Variants in MAGI2 observed in about 807,000 individuals in gnomAD.
The protein encoded by MAGI2 is membrane associated guanylate kinase, WW and PDZ domain containing 2, also known as membrane-associated guanylate kinase, WW and PDZ domain-containing protein 2.
In MAGI2, 35 loss-of-function variants were observed where a neutral mutation model predicts 133.3. The observed-to-expected ratio is 0.26, with a 90% confidence interval of 0.20 to 0.35. The LOEUF is 0.35. Ranked by LOEUF, MAGI2 falls within the 10% of genes least tolerant of loss-of-function variation. The pLI, the probability that MAGI2 is intolerant of heterozygous loss-of-function variation, is 1.00. For synonymous variants in MAGI2, 729 were observed against 710.6 expected (o/e 1.03, Z -0.41); for missense variants, 1,636 against 1,863.4 (o/e 0.88, Z 2.25).
At chr7:79,364,263 A>G (rs1052356719) in intron 1 of MAGI2, among the ~76,000 whole-genome samples, 15 of 152,146 alleles carry the variant, frequency 9.9e-5, no homozygotes, top group East Asian at 1.9e-4. Context: ...AGGAAATGAA[A>G]TCAGTACATC....
chr7:78,793,600 G>A (rs1409121018), intron 2 of MAGI2, among the ~76,000 whole-genome samples: 4 of 152,056 alleles, frequency 2.6e-5, no homozygotes, highest in Admixed American at 6.6e-5. Flanking sequence ...CCATAATGAT[G>A]GGGCAAAGGA....
At chr7:79,289,603 T>A (rs1408711946) in intron 1 of MAGI2, among the ~76,000 whole-genome samples, 1 of 152,126 alleles carries the variant, frequency 6.6e-6, no homozygotes, top group Admixed American at 6.6e-5. Flanking sequence ...TAGACCCAGA[T>A]CAAAGACATT....
chr7:79,008,851 A>C (rs894240846), intron 1 of MAGI2: 1 of 152,022 alleles, frequency 6.6e-6, no homozygotes, highest in Non-Finnish European at 1.5e-5. Flanking sequence ...AAATCCTGAA[A>C]TTCTCTTTTT....
intron 2 of MAGI2, among the ~76,000 whole-genome samples, chr7:78,708,373 T>G (rs980342742): frequency 6.6e-6 from 1 of 152,140 alleles, no homozygotes; most frequent in African/African-American, 2.4e-5. Flanking sequence ...CCAATAAAAT[T>G]CTCTCTAATT....
intron 1 of MAGI2, chr7:79,008,716 T>C (rs1461407776): frequency 6.6e-6 from 1 of 152,126 alleles, no homozygotes. Context: ...CAGTCAGAAA[T>C]AAAAGTCATT....
chr7:79,061,346 G>A (rs144669875), intron 1 of MAGI2, among the ~76,000 whole-genome samples: 125 of 150,864 alleles, frequency 8.3e-4, no homozygotes, highest in East Asian at 2.1e-3. Context: ...TATGACACTC[G>A]TTTCCTGTAT....
chr7:78,315,833 T>C (rs1236058081), intron 9 of MAGI2, among the ~76,000 whole-genome samples: 2 of 152,248 alleles, frequency 1.3e-5, no homozygotes, highest in East Asian at 1.9e-4. Context: ...TGTATAAACA[T>C]GTTCTTCATT....
chr7:78,725,668 A>G (rs905563072), intron 2 of MAGI2, among the ~76,000 whole-genome samples: 11 of 152,190 alleles, frequency 7.2e-5, no homozygotes, highest in African/African-American at 1.9e-4. Flanking sequence ...GCGTGGTGGC[A>G]GGCGCCTGTA....
intron 10 of MAGI2, among the ~76,000 whole-genome samples, chr7:78,209,645 TCTC>T (rs1584406716): frequency 6.6e-6 from 1 of 152,066 alleles, no homozygotes; most frequent in South Asian, 2.1e-4. Flanking sequence ...CTATTTCAAA[TCTC>T]CTTCTATTTA....
At chr7:79,397,155 GTTA>G (rs1845118717) in intron 1 of MAGI2, among the ~76,000 whole-genome samples, 1 of 149,166 alleles carries the variant, frequency 6.7e-6, no homozygotes, top group African/African-American at 2.4e-5. Flanking sequence ...CTTTTTAGGA[GTTA>G]TTATTTATAT....
chr7:78,880,019 A>G (rs990104983), intron 2 of MAGI2, among the ~76,000 whole-genome samples: 1 of 152,144 alleles, frequency 6.6e-6, no homozygotes, highest in Non-Finnish European at 1.5e-5. Flanking sequence ...TTAGACAAAA[A>G]TAGTCAAAAG....
intron 5 of MAGI2, among the ~76,000 whole-genome samples, chr7:78,492,763 G>A (rs28591977): frequency 0.011 from 1,745 of 152,160 alleles, 30 homozygotes; most frequent in African/African-American, 0.04. Context: ...ATAAATACCA[G>A]GAAAAGAAAA....
At chr7:78,021,578 C>T (rs1808399897) in intron 21 of MAGI2, among the ~76,000 whole-genome samples, 1 of 152,202 alleles carries the variant, frequency 6.6e-6, no homozygotes, top group Admixed American at 6.5e-5. Context: ...AGGGCAGTGG[C>T]AATGGTTTTC....
At chr7:78,340,332 A>C (rs1280387819) in intron 9 of MAGI2, among the ~76,000 whole-genome samples, 1 of 152,184 alleles carries the variant, frequency 6.6e-6, no homozygotes, top group Non-Finnish European at 1.5e-5. Flanking sequence ...CCAACCAAAA[A>C]ATGTCCAGGA....
intron 6 of MAGI2, among the ~76,000 whole-genome samples, chr7:78,441,057 A>G (rs1787572724): frequency 6.6e-6 from 1 of 152,216 alleles, no homozygotes; most frequent in African/African-American, 2.4e-5. Context: ...GGTTGGATAT[A>G]TCAATTCTTA....
chr7:78,827,018 G>A (rs1289569216), intron 2 of MAGI2, among the ~76,000 whole-genome samples: 9 of 152,008 alleles, frequency 5.9e-5, no homozygotes, highest in South Asian at 2.1e-4. Context: ...TAGAGACATC[G>A]GTATAAATTC....
At chr7:78,402,985 T>C (rs1415115674) in intron 6 of MAGI2, among the ~76,000 whole-genome samples, 3 of 152,220 alleles carry the variant, frequency 2.0e-5, no homozygotes, top group African/African-American at 7.2e-5. Context: ...ATATTTGTTT[T>C]AAACAATCAA....
At chr7:79,002,800 C>A (rs908613511) in intron 2 of MAGI2, among the ~76,000 whole-genome samples, 2 of 151,256 alleles carry the variant, frequency 1.3e-5, no homozygotes, top group African/African-American at 2.4e-5. Context: ...AATATATGCC[C>A]AACAATTCTA....
chr7:79,226,914 G>C (rs1250571472), intron 1 of MAGI2, among the ~76,000 whole-genome samples: 2 of 151,992 alleles, frequency 1.3e-5, no homozygotes, highest in Non-Finnish European at 2.9e-5. Context: ...AGTGACTATT[G>C]CCTGATTCTT....
Sources: gnomAD v4.1 joint callset for allele counts (sites outside exome capture counted in the v4.1 genomes callset) on GRCh38, gnomAD v4.1.1 for gene constraint, MANE v1.5 for transcripts, NCBI Gene and HGNC (gene_info 2026-07-23, HGNC 2026-07-21) for gene names.